The following KIRREL3 variants were observed in gnomAD, a reference collection of about 807,000 sequenced individuals.
KIRREL3 encodes the protein kin of IRRE-like protein 3.
In KIRREL3, 36 loss-of-function variants were observed where a neutral mutation model predicts 89.7. That is an observed-to-expected ratio of 0.40 (90% confidence interval 0.31 to 0.53). KIRREL3 has a LOEUF of 0.53. KIRREL3 is among the 20% of genes least tolerant of loss of function. The pLI, the probability that KIRREL3 is intolerant of heterozygous loss-of-function variation, is 0.49. For synonymous variants in KIRREL3, 445 were observed against 441.4 expected, an observed-to-expected ratio of 1.01 and a Z score of -0.10; for missense variants, 864 against 1,056.6, an observed-to-expected ratio of 0.82 and a Z score of 2.53.
chr11:126,834,371 A>G (rs1943707945), intron 1 of KIRREL3, among the ~76,000 whole-genome samples: 1 of 152,218 alleles, frequency 6.6e-6, no homozygotes, highest in Non-Finnish European at 1.5e-5. Context: ...ATCGTGGTTA[A>G]CATCTTATCC....
intron 2 of KIRREL3, among the ~76,000 whole-genome samples, chr11:126,556,100 A>C (rs183257073): frequency 7.5e-4 from 114 of 152,326 alleles, no homozygotes; most frequent in African/African-American, 2.6e-3. Flanking sequence ...GACATGGTCA[A>C]ATTTGCATTT....
chr11:126,605,072 G>T lies in KIRREL3; in HGVS notation c.56-42160C>A, dbSNP rs188513322. Among the ~76,000 whole-genome samples the T allele has an allele frequency of 2.2e-3, 328 of 152,346 alleles. No individual in the cohort carries two copies. The highest frequency in any genetic ancestry group is 3.3e-3 in the Non-Finnish European group (225 of 68,044). On this transcript the variant is annotated intron_variant, in intron 1 of 16. Coordinates refer to ENST00000525144, the MANE Select transcript of KIRREL3 (RefSeq NM_032531.4). The surrounding 1 kb of genome is among the most constrained non-coding windows in gnomAD (Gnocchi z 5.7). ...CCCATAATCACAGACAATGCATCGAGCCTGGTGAGGGTGTGGCCTTTCTTG... is the reference window on the plus strand; with the variant it reads ...CCCATAATCACAGACAATGCATCGATCCTGGTGAGGGTGTGGCCTTTCTTG...
Position 126,615,920 on chromosome 11 carries a change from C to T in KIRREL3, c.56-53008G>A, listed in dbSNP as rs1225799274. Reference sequence around the variant, plus strand: ...GGGGAGCAGACTTCTTTGTATGCCCCCGGGGACAGGACAGGATGGAGGGAG... The same window carrying T: ...GGGGAGCAGACTTCTTTGTATGCCCTCGGGGACAGGACAGGATGGAGGGAG... On this transcript the variant is annotated intron_variant, in intron 1 of 16. Coordinates refer to ENST00000525144, the MANE Select transcript of KIRREL3 (RefSeq NM_032531.4). This position sits in a 1 kb window ranked among gnomAD's most constrained non-coding sequence, Gnocchi z 5.4. 6.6e-6 allele frequency among the ~76,000 whole-genome samples: 1 copy of T among 152,078 alleles called. No homozygotes were observed. The highest frequency in any genetic ancestry group is 1.5e-5 in the Non-Finnish European group (1 of 68,018).
chr11:126,553,613 G>A lies in KIRREL3; in HGVS notation c.133+9222C>T, dbSNP rs763210250. 3.0e-4 allele frequency among the ~76,000 whole-genome samples: 46 copies of A among 152,302 alleles called. No homozygotes were observed. The highest frequency in any genetic ancestry group is 6.2e-4 in the Non-Finnish European group (42 of 68,028). ...CTCAAGGGAGCAGCTGGGGCTATCTGCGTGTCGATTCCCGTCACCTTCTGA... is the reference window on the plus strand; with the variant it reads ...CTCAAGGGAGCAGCTGGGGCTATCTACGTGTCGATTCCCGTCACCTTCTGA... On this transcript the variant is annotated intron_variant, in intron 2 of 16. Coordinates refer to ENST00000525144, the MANE Select transcript of KIRREL3 (RefSeq NM_032531.4). This position sits in a 1 kb window ranked among gnomAD's most constrained non-coding sequence, Gnocchi z 4.7.
Position 126,795,849 on chromosome 11 carries a change from G to T in KIRREL3, c.55+204606C>A, listed in dbSNP as rs1477026632. ...GAGCGTACATCAGCTCTTTGGAGGGGCATGTAGATACCCCATGCCAGGCCA... is the reference window on the plus strand; with the variant it reads ...GAGCGTACATCAGCTCTTTGGAGGGTCATGTAGATACCCCATGCCAGGCCA... On this transcript the variant is annotated intron_variant, in intron 1 of 16. Coordinates refer to ENST00000525144, the MANE Select transcript of KIRREL3 (RefSeq NM_032531.4). The surrounding 1 kb of genome is among the most constrained non-coding windows in gnomAD (Gnocchi z 4.1). Among the ~76,000 whole-genome samples, 2 of 152,110 alleles carry T rather than the reference G, an allele frequency of 1.3e-5. No homozygotes were observed. The highest frequency in any genetic ancestry group is 2.9e-5 in the Non-Finnish European group (2 of 68,030).
At position 126,996,029 on chromosome 11, in the gene KIRREL3, C is replaced by T. The variant is rs999512042; in HGVS notation, c.55+4426G>A. Reference sequence around the variant, plus strand: ...CAATGTGAAGGCCTTGACCCCACCCCACTCGTCCTCCCCCTAGGGACTTTC... The same window carrying T: ...CAATGTGAAGGCCTTGACCCCACCCTACTCGTCCTCCCCCTAGGGACTTTC... On this transcript the variant is annotated intron_variant, in intron 1 of 16. Coordinates refer to ENST00000525144, the MANE Select transcript of KIRREL3 (RefSeq NM_032531.4). This position sits in a 1 kb window ranked among gnomAD's most constrained non-coding sequence, Gnocchi z 4.7. 4.6e-5 allele frequency among the ~76,000 whole-genome samples: 7 copies of T among 152,298 alleles called. No individual in the cohort carries two copies. The highest frequency in any genetic ancestry group is 2.1e-4 in the South Asian group (1 of 4,822).
In KIRREL3 at chr11:126,432,171, C is replaced by T. The variant is rs1226541219; in HGVS notation, c.1589-645G>A. Reference sequence around the variant, plus strand: ...TCTAAGGAGAGAGGCCCCTTTCCCTCCATCTCCAGGTCTGCAGCTTCTCCC... The same window carrying T: ...TCTAAGGAGAGAGGCCCCTTTCCCTTCATCTCCAGGTCTGCAGCTTCTCCC... On this transcript the variant is annotated intron_variant, in intron 13 of 16. Coordinates refer to ENST00000525144, the MANE Select transcript of KIRREL3 (RefSeq NM_032531.4). This position sits in a 1 kb window ranked among gnomAD's most constrained non-coding sequence, Gnocchi z 6.2. Among the ~76,000 whole-genome samples the T allele has an allele frequency of 1.3e-5, 2 of 152,118 alleles. No homozygotes were observed. Among genetic ancestry groups the T allele is most frequent in the Non-Finnish European group, 2.9e-5 (2 of 68,014 alleles).
chr11:126,511,905 G>A (rs1231365997), intron 4 of KIRREL3, among the ~76,000 whole-genome samples: 2 of 152,206 alleles, frequency 1.3e-5, no homozygotes, highest in African/African-American at 4.8e-5. Flanking sequence ...AGCCCTCAGA[G>A]GGCTCCCTGT....
rs1235171790 is a variant in KIRREL3, at chr11:126,904,189, T to TA, written c.55+96265dup. On this transcript the variant is annotated intron_variant, in intron 1 of 16. Coordinates refer to ENST00000525144, the MANE Select transcript of KIRREL3 (RefSeq NM_032531.4). This position sits in a 1 kb window ranked among gnomAD's most constrained non-coding sequence, Gnocchi z 4.4. Reference sequence around the variant, plus strand: ...TTGAAGCCTCTTTTTAACACACAGGTAAAGTTTTCAGGACTATTTTTATCA... The same window carrying TA: ...TTGAAGCCTCTTTTTAACACACAGGTAAAAGTTTTCAGGACTATTTTTATCA... Among the ~76,000 whole-genome samples the TA allele has an allele frequency of 6.6e-6, 1 of 152,222 alleles. No homozygotes were observed. The highest frequency in any genetic ancestry group is 2.1e-4 in the South Asian group (1 of 4,834).
chr11:126,450,526 C>T lies in KIRREL3; in HGVS notation c.849-1369G>A, dbSNP rs1474017844. 6.7e-5 allele frequency among the ~76,000 whole-genome samples: 8 copies of T among 120,228 alleles called. No homozygotes were observed. The East Asian group carries it at 8.0e-4, about 12-fold the overall frequency. 78.9% of individuals were successfully genotyped at this position (120,228 alleles called of 152,430 possible). A position where few individuals can be genotyped will look rare whatever the true frequency, so the allele number is the denominator to read the frequency against. On this transcript the variant is annotated intron_variant, in intron 7 of 16. Coordinates refer to ENST00000525144, the MANE Select transcript of KIRREL3 (RefSeq NM_032531.4). Reference sequence around the variant, plus strand: ...GTGTGCATGTGTGTGTGTGCATCTGCGTATGTGTGCATGTGTGTCAATGTG... The same window carrying T: ...GTGTGCATGTGTGTGTGTGCATCTGTGTATGTGTGCATGTGTGTCAATGTG...
In KIRREL3 at chr11:126,687,497, C is replaced by T. The variant is rs953569687; in HGVS notation, c.56-124585G>A. ...CCACACCAAAACCTCTAGATATTCC[C>T]ATGGAGCTGCTAGTTCTGGAAACAC... On this transcript the variant is annotated intron_variant, in intron 1 of 16. Coordinates refer to ENST00000525144, the MANE Select transcript of KIRREL3 (RefSeq NM_032531.4). The surrounding 1 kb of genome is among the most constrained non-coding windows in gnomAD (Gnocchi z 4.6). Among the ~76,000 whole-genome samples the T allele has an allele frequency of 6.6e-6, 1 of 152,188 alleles. No individual in the cohort carries two copies. The highest frequency in any genetic ancestry group is 1.5e-5 in the Non-Finnish European group (1 of 68,038).
Position 126,622,935 on chromosome 11 carries a change from T to A in KIRREL3, c.56-60023A>T, listed in dbSNP as rs561640165. Among the ~76,000 whole-genome samples the A allele has an allele frequency of 2.1e-3, 314 of 152,360 alleles. 2 individuals carry two copies. Among genetic ancestry groups the A allele is most frequent in the African/African-American group, 7.2e-3 (299 of 41,588 alleles). On this transcript the variant is annotated intron_variant, in intron 1 of 16. Coordinates refer to ENST00000525144, the MANE Select transcript of KIRREL3 (RefSeq NM_032531.4). The surrounding 1 kb of genome is among the most constrained non-coding windows in gnomAD (Gnocchi z 5.2). ...ACATTTCATAATGAGGAAATGGAAG[T>A]ACCTAGAGGTTAAGTATTTTGCCCA...
chr11:126,630,858 C>T (rs1205099017), intron 1 of KIRREL3, among the ~76,000 whole-genome samples: 1 of 152,166 alleles, frequency 6.6e-6, no homozygotes, highest in Non-Finnish European at 1.5e-5. Context: ...TGAGCCCGCC[C>T]TTTGGACCTG....
rs908013812 is a variant in KIRREL3, at chr11:126,636,677, C to T, written c.56-73765G>A. Among the ~76,000 whole-genome samples the T allele has an allele frequency of 1.3e-5, 2 of 152,196 alleles. No homozygotes were observed. The highest frequency in any genetic ancestry group is 2.9e-5 in the Non-Finnish European group (2 of 68,034). On this transcript the variant is annotated intron_variant, in intron 1 of 16. Coordinates refer to ENST00000525144, the MANE Select transcript of KIRREL3 (RefSeq NM_032531.4). This position sits in a 1 kb window ranked among gnomAD's most constrained non-coding sequence, Gnocchi z 4.4. The stretch of plus-strand genomic sequence containing the variant: ...AGCACCCTTTCTTGTGTCTTGGTAT[C>T]TGCCTGAGACCTTTGTTTTGCTGGT...
chr11:126,799,030 G>A (rs1950902871), intron 1 of KIRREL3, among the ~76,000 whole-genome samples: 1 of 151,748 alleles, frequency 6.6e-6, no homozygotes, highest in Non-Finnish European at 1.5e-5. Flanking sequence ...ATCTGTGCGT[G>A]TGCATGTGTG....
chr11:126,910,684 TA>T (rs1946781713), intron 1 of KIRREL3, among the ~76,000 whole-genome samples: 1 of 152,214 alleles, frequency 6.6e-6, no homozygotes, highest in African/African-American at 2.4e-5. Flanking sequence ...CCACATCACA[TA>T]ACCAATAAGG....
In KIRREL3 at chr11:126,630,436, C is replaced by T. The variant is rs557073353; in HGVS notation, c.56-67524G>A. Among the ~76,000 whole-genome samples, 88 of 151,300 alleles carry T rather than the reference C, an allele frequency of 5.8e-4. 2 individuals are homozygous for T. The highest frequency in any genetic ancestry group is 1.5e-3 in the South Asian group (7 of 4,774). ...AGGTTTTCTACCAATTGATGGAAAT[C>T]TTTCCTCCTTTTGTTCCTTGCCCCT... On this transcript the variant is annotated intron_variant, in intron 1 of 16. Transcript: ENST00000525144.
At chr11:126,956,394 T>C (rs1948922473) in intron 1 of KIRREL3, among the ~76,000 whole-genome samples, 1 of 152,226 alleles carries the variant, frequency 6.6e-6, no homozygotes, top group Non-Finnish European at 1.5e-5. Flanking sequence ...TGAAACTCCC[T>C]GTCTCCTCAT....
chr11:126,493,583 A>T (rs1374149298), intron 4 of KIRREL3, among the ~76,000 whole-genome samples: 6 of 138,538 alleles, frequency 4.3e-5, no homozygotes, highest in Admixed American at 8.0e-5. Context: ...TGAACCCAGG[A>T]GGCGGAGCTT....
Sources: gnomAD v4.1 joint callset for allele counts (sites outside exome capture counted in the v4.1 genomes callset) on GRCh38, gnomAD v4.1.1 for gene constraint, Gnocchi (gnomAD v3.1) non-coding constraint, MANE v1.5 for transcripts, NCBI Gene and HGNC (gene_info 2026-07-23, HGNC 2026-07-21) for gene names.